Variants in CFAP54 observed in about 807,000 individuals in gnomAD.
CFAP54 encodes the protein cilia and flagella associated protein 54.
CFAP54 carries 290 observed loss-of-function variants against 370.4 expected under a neutral mutation model. The ratio of observed to expected loss-of-function variants is 0.78; its 90% CI spans 0.71 to 0.86. The LOEUF is 0.86. CFAP54 is among the 40% of genes least tolerant of loss of function. The pLI, the probability that CFAP54 is intolerant of heterozygous loss-of-function variation, is 0.00. For missense variants in CFAP54, 3,399 were observed against 3,528.7 expected, an observed-to-expected ratio of 0.96 and a Z score of 0.93; for synonymous variants, 1,206 against 1,236.5, an observed-to-expected ratio of 0.98 and a Z score of 0.52.
rs546872197 is a variant in CFAP54, at chr12:96,615,918, C to A, written c.3640-5672C>A. 4.7e-4 allele frequency among the ~76,000 whole-genome samples: 72 copies of A among 152,316 alleles called. 1 individual carries two copies. The East Asian group carries it at 0.013, about 28-fold the overall frequency. On this transcript the variant is annotated intron_variant, in intron 26 of 67. Coordinates refer to ENST00000524981, the MANE Select transcript of CFAP54 (RefSeq NM_001306084.2). ...GAACACTTTTACACAGTTGGTGGGACTGTAAACTAGTTCAACCATTGTGGA... is the reference window on the plus strand; with the variant it reads ...GAACACTTTTACACAGTTGGTGGGAATGTAAACTAGTTCAACCATTGTGGA...
chr12:96,506,451 A>G (rs1402270061), intron 3 of CFAP54, among the ~76,000 whole-genome samples: 1 of 151,992 alleles, frequency 6.6e-6, no homozygotes, highest in East Asian at 1.9e-4. Flanking sequence ...GGATGTTTTA[A>G]AGAAACCTAT....
intron 30 of CFAP54, among the ~76,000 whole-genome samples, chr12:96,628,963 C>T (rs1054867946): frequency 9.2e-5 from 14 of 151,582 alleles, no homozygotes; most frequent in Non-Finnish European, 1.9e-4. Context: ...GAAAAATAGG[C>T]AAGTGTCAAT....
At chr12:96,616,156 A>G (rs1272968980) in intron 26 of CFAP54, among the ~76,000 whole-genome samples, 1 of 152,250 alleles carries the variant, frequency 6.6e-6, no homozygotes, top group Non-Finnish European at 1.5e-5. Flanking sequence ...AATGTGGCAC[A>G]TATATACCAT....
intron 49 of CFAP54, 129 bp from the exon 50 acceptor site, chr12:96,720,276 A>T: frequency 1.3e-6 from 1 of 770,848 alleles, no homozygotes; most frequent in Non-Finnish European, 1.8e-6. Flanking sequence ...TGGTAATTAG[A>T]TACCAAGTTC....
intron 62 of CFAP54, among the ~76,000 whole-genome samples, chr12:96,790,015 C>T (rs1019409484): frequency 1.3e-5 from 2 of 152,122 alleles, no homozygotes; most frequent in African/African-American, 4.8e-5. Context: ...AACCTACTTT[C>T]CCCCACAAAG....
chr12:96,528,909 TA>T (rs1955411381), intron 9 of CFAP54, among the ~76,000 whole-genome samples: 1 of 152,218 alleles, frequency 6.6e-6, no homozygotes, highest in African/African-American at 2.4e-5. Flanking sequence ...ATTAAATGCA[TA>T]TTAAGACATT....
chr12:96,598,974 A>C (rs1376737804), intron 26 of CFAP54, among the ~76,000 whole-genome samples: 1 of 151,846 alleles, frequency 6.6e-6, no homozygotes, highest in Admixed American at 6.6e-5. Flanking sequence ...ACAAACTAAA[A>C]CTTGATGTTA....
chr12:96,753,290 CA>C (rs1275454167), intron 55 of CFAP54, among the ~76,000 whole-genome samples: 2 of 152,044 alleles, frequency 1.3e-5, no homozygotes, highest in Non-Finnish European at 2.9e-5. Flanking sequence ...GATGACAAAA[CA>C]AAACAAAACA....
rs150305050 is a variant in CFAP54 at position 96,506,275 on chromosome 12, C to T, written c.568-653C>T. Reference sequence around the variant, plus strand: ...AATGGCGTGAACCCAGGAGGTGGAGCTTGCAGTGAGCCGAGGTCAGCCACT... The same window carrying T: ...AATGGCGTGAACCCAGGAGGTGGAGTTTGCAGTGAGCCGAGGTCAGCCACT... On this transcript the variant is annotated intron_variant, in intron 3 of 67. Coordinates refer to ENST00000524981, the MANE Select transcript of CFAP54 (RefSeq NM_001306084.2). 8.5e-3 allele frequency among the ~76,000 whole-genome samples: 1,277 copies of T among 149,384 alleles called. 17 individuals carry two copies. The highest frequency in any genetic ancestry group is 0.03 in the African/African-American group (1,211 of 40,508).
chr12:96,527,525 T>A, intron 9 of CFAP54, 81 bp downstream of exon 9: 2 of 818,908 alleles, frequency 2.4e-6, no homozygotes, highest in Non-Finnish European at 3.5e-6. Context: ...AGTCCATACA[T>A]AGGAAACTGA....
At chr12:96,552,246 C>CAAAAAAAAAAAAAAAAAAAAAAATA (rs374756712) in intron 15 of CFAP54, among the ~76,000 whole-genome samples, 2 of 40,974 alleles carry the variant, frequency 4.9e-5, no homozygotes, top group Non-Finnish European at 1.1e-4. Flanking sequence ...AACTACATCT[C>CAAAAAAAAAAAAAAAAAAAAAAATA]AAAAAAAAAA....
intron 58 of CFAP54, among the ~76,000 whole-genome samples, chr12:96,758,084 G>A (rs896272444): frequency 3.3e-5 from 5 of 152,236 alleles, no homozygotes; most frequent in Middle Eastern, 3.4e-3. Flanking sequence ...CTCTCATAGA[G>A]GAAGATGTTA....
chr12:96,495,293 T>C (rs373108371), intron 1 of CFAP54, among the ~76,000 whole-genome samples: 12 of 70,326 alleles, frequency 1.7e-4, no homozygotes, highest in South Asian at 4.5e-4. Context: ...TCCTTCCTTC[T>C]TTCCTTCCTT....
intron 19 of CFAP54, among the ~76,000 whole-genome samples, chr12:96,566,392 G>C (rs17376263): frequency 0.093 from 14,223 of 152,192 alleles, 829 homozygotes; most frequent in Middle Eastern, 0.16. Flanking sequence ...AGAATTTTTA[G>C]ACATCTTGAT....
At chr12:96,701,513 A>G (rs1215672865) in intron 46 of CFAP54, among the ~76,000 whole-genome samples, 1 of 152,046 alleles carries the variant, frequency 6.6e-6, no homozygotes, top group Non-Finnish European at 1.5e-5. Flanking sequence ...ACATAAGTAT[A>G]TGTCAGGTAT....
At chr12:96,776,751 C>T (rs1009905612) in intron 60 of CFAP54, among the ~76,000 whole-genome samples, 1 of 152,176 alleles carries the variant, frequency 6.6e-6, no homozygotes, top group Non-Finnish European at 1.5e-5. Context: ...TATCAAAATA[C>T]ATTAGTCTGT....
intron 1 of CFAP54, among the ~76,000 whole-genome samples, chr12:96,495,238 CTCCT>C (rs58756915): frequency 0.14 from 18,061 of 132,752 alleles, 1,336 homozygotes; most frequent in African/African-American, 0.17. Flanking sequence ...CTTTTCTTTT[CTCCT>C]TCCTTCCTTC....
intron 14 of CFAP54, among the ~76,000 whole-genome samples, chr12:96,546,467 A>G (rs906137734): frequency 2.0e-5 from 3 of 152,180 alleles, no homozygotes; most frequent in East Asian, 1.9e-4. Flanking sequence ...TTTAAAATAT[A>G]TAGTTTCCAG....
At chr12:96,764,393 C>A (rs1034854904) in intron 59 of CFAP54, 144 bp downstream of exon 59, 3 of 557,380 alleles carry the variant, frequency 5.4e-6, no homozygotes, top group Non-Finnish European at 9.1e-6. Flanking sequence ...GAGGCTGAGG[C>A]AGGAGGATCA....
Sources: gnomAD v4.1 joint callset for allele counts (sites outside exome capture counted in the v4.1 genomes callset) on GRCh38, gnomAD v4.1.1 for gene constraint, MANE v1.5 for transcripts, NCBI Gene and HGNC (gene_info 2026-07-23, HGNC 2026-07-21) for gene names.